EFCAB12: variants seen among roughly 807,000 people sequenced by gnomAD.
EFCAB12 encodes EF-hand calcium-binding domain-containing protein 12.
In EFCAB12, 43 loss-of-function variants were observed where a neutral mutation model predicts 53.6. The observed-to-expected ratio is 0.80, with a 90% CI of 0.63 to 1.03. The LOEUF (loss-of-function observed/expected upper bound fraction) is 1.03, where lower values mean the gene tolerates loss of function less well. Among genes scored for constraint, EFCAB12 ranks in the 50% least tolerant of loss-of-function variants. EFCAB12 has a pLI of 0.00. For synonymous variants in EFCAB12, 269 were observed against 289.2 expected (o/e 0.93, Z 0.71); for missense variants, 646 against 730.6 (o/e 0.88, Z 1.34).
chr3:129,401,730 C>A lies in EFCAB12; in HGVS notation c.1582G>T (p.Ala528Ser). 6.2e-7 allele frequency: 1 copy of A among 1,601,204 alleles called. No homozygotes were observed. The highest frequency in any genetic ancestry group is 8.5e-7 in the Non-Finnish European group (1 of 1,173,830). ...TGGTGTTGAACACAACTGAAGAGCG[C>A]CAGGCTCCGGTCTGTGGCCACAGTG... is the stretch of plus-strand genomic sequence containing the variant. Reference protein sequence around the residue: ...LPTVATDRSLALFSCVQHQPH... With the variant: ...LPTVATDRSLSLFSCVQHQPH... Residue 528 changes from alanine to serine, a missense_variant, in exon 9 of 9, where the codon GCG becomes TCG. By Grantham distance (99) the Ala-to-Ser change is moderately conservative (BLOSUM62 1). Transcript: ENST00000505956.
At chr3:129,413,670 T>C (rs770637475) in intron 4 of EFCAB12, 3 of 152,262 alleles carry the variant, frequency 2.0e-5, no homozygotes, top group Non-Finnish European at 4.4e-5. Flanking sequence ...AATGTGGCTC[T>C]GACCTAACTC....
At chr3:129,422,053 C>T (rs1038938944) in intron 1 of EFCAB12, among the ~76,000 whole-genome samples, 2 of 152,160 alleles carry the variant, frequency 1.3e-5, no homozygotes, top group Non-Finnish European at 2.9e-5. Flanking sequence ...GCCCCCAACA[C>T]CTCCCATTGG....
intron 7 of EFCAB12, 170 bp downstream of exon 7, chr3:129,404,080 C>T: frequency 1.2e-6 from 1 of 801,292 alleles, no homozygotes; most frequent in Non-Finnish European, 1.9e-6. Context: ...CCAAGGGTGA[C>T]CCGGGACTGG....
Position 129,418,199 on chromosome 3 carries a change from G to A in EFCAB12, c.681+55C>T, listed in dbSNP as rs964030689. ...GAGGGGCGGGGGTGGCAAAGAGGGA[G>A]TACATGTACATCCTGCCCACTTAGG... is the stretch of plus-strand genomic sequence containing the variant. On this transcript the variant is annotated intron_variant, in intron 3 of 8. Transcript: ENST00000505956. The A allele has an allele frequency of 1.0e-4, 154 of 1,496,966 alleles. No homozygotes were observed. In the Admixed American group the frequency reaches 3.1e-3, roughly 30 times the overall value. The allele number at this position is 1,496,966 out of a possible 1,614,324, so 92.7% of individuals were successfully genotyped here.
rs1229958503 is a variant in EFCAB12, at chr3:129,426,349, G to GTT, written c.49+2089_49+2090dup. Among the ~76,000 whole-genome samples the GTT allele has an allele frequency of 2.3e-3, 244 of 106,830 alleles. 3 individuals are homozygous for GTT. Among genetic ancestry groups the GTT allele is most frequent in the African/African-American group, 7.5e-3 (183 of 24,472 alleles). 70.1% of individuals were successfully genotyped at this position (106,830 alleles called of 152,430 possible). A position where few individuals can be genotyped will look rare whatever the true frequency, so the allele number is the denominator to read the frequency against. On this transcript the variant is annotated intron_variant, in intron 1 of 8. Coordinates refer to ENST00000505956, the MANE Select transcript of EFCAB12 (RefSeq NM_207307.3). ...CATCTCCACTTGGATGGCTTACAGG[G>GTT]TTTTTTTTTGTTTTTTTTTTTTTTT...
chr3:129,415,433 G>A, intron 3 of EFCAB12, 32 bp from the exon 4 acceptor site: 1 of 1,611,092 alleles, frequency 6.2e-7, no homozygotes, highest in Admixed American at 1.7e-5. Context: ...AGACTAGCAG[G>A]CTCCCATCCA....
At chr3:129,415,044 G>C (rs928704434) in intron 4 of EFCAB12, 3 of 521,016 alleles carry the variant, frequency 5.8e-6, no homozygotes, top group Non-Finnish European at 9.6e-6. Flanking sequence ...TGGACACAGT[G>C]GTAGCTGGGC....
At chr3:129,406,327 T>C (rs987643892) in intron 6 of EFCAB12, among the ~76,000 whole-genome samples, 7 of 152,192 alleles carry the variant, frequency 4.6e-5, no homozygotes, top group Non-Finnish European at 5.9e-5. Flanking sequence ...AGGTAGCACA[T>C]GTGGGAGACA....
intron 5 of EFCAB12, among the ~76,000 whole-genome samples, chr3:129,410,625 T>C (rs2072024835): frequency 6.6e-6 from 1 of 152,204 alleles, no homozygotes; most frequent in Non-Finnish European, 1.5e-5. Context: ...GACTATATTA[T>C]ATATGAATAT....
chr3:129,428,612 G>C lies in EFCAB12; in HGVS notation c.-124C>G. The C allele has an allele frequency of 1.6e-6, 2 of 1,219,164 alleles. No homozygotes were observed. Among genetic ancestry groups the C allele is most frequent in the East Asian group, 2.6e-5 (1 of 38,690 alleles). 75.5% of individuals were successfully genotyped at this position (1,219,164 alleles called of 1,614,324 possible). A position where few individuals can be genotyped will look rare whatever the true frequency, so the allele number is the denominator to read the frequency against. On this transcript the variant is annotated 5_prime_UTR_variant, in exon 1 of 9. Transcript: ENST00000505956. The stretch of plus-strand genomic sequence containing the variant: ...CTCCAAGTCGTGCGAAAGGCGCTCA[G>C]CTCAGACTGCAGAAGCAACCTGTTG...
intron 5 of EFCAB12, 93 bp from the exon 6 acceptor site, chr3:129,408,951 C>T: frequency 7.1e-7 from 1 of 1,415,398 alleles, no homozygotes; most frequent in Non-Finnish European, 9.7e-7. Flanking sequence ...ATCGACCTCT[C>T]CCCTGCGAGG....
intron 3 of EFCAB12, 98 bp downstream of exon 3, chr3:129,418,156 G>C (rs2072141486): frequency 1.7e-6 from 2 of 1,201,132 alleles, no homozygotes; most frequent in South Asian, 3.3e-5. Context: ...AGTTGAACCA[G>C]AACCCAGCAT....
Position 129,424,597 on chromosome 3 carries a change from A to C in EFCAB12, c.50-2794T>G, listed in dbSNP as rs143968167. Among the ~76,000 whole-genome samples the C allele has an allele frequency of 3.2e-3, 492 of 152,354 alleles. 3 individuals carry two copies. The highest frequency in any genetic ancestry group is 0.011 in the African/African-American group (477 of 41,566). Reference sequence around the variant, plus strand: ...ATCTCTTTATAAATTACCTAGTCTCAGGTAGTTCTTTATAGCAATGCTAGA... The same window carrying C: ...ATCTCTTTATAAATTACCTAGTCTCCGGTAGTTCTTTATAGCAATGCTAGA... On this transcript the variant is annotated intron_variant, in intron 1 of 8. Coordinates refer to ENST00000505956, the MANE Select transcript of EFCAB12 (RefSeq NM_207307.3).
chr3:129,404,858 C>T (rs146048361), intron 6 of EFCAB12, among the ~76,000 whole-genome samples: 14 of 152,306 alleles, frequency 9.2e-5, no homozygotes, highest in Non-Finnish European at 1.8e-4. Context: ...CTCACACTGT[C>T]GCCCAGGCTA....
rs1029961435 is a variant in EFCAB12 at position 129,421,776 on chromosome 3, T to C, written c.77A>G (p.Asn26Ser). 5.0e-6 allele frequency: 8 copies of C among 1,613,038 alleles called. No individual in the cohort carries two copies. Among genetic ancestry groups the C allele is most frequent in the Middle Eastern group, 1.6e-4 (1 of 6,082 alleles). Residue 26 changes from asparagine to serine, a missense_variant, in exon 2 of 9, where the codon AAT (asparagine) becomes AGT (serine). By Grantham distance (46) the Asn-to-Ser change is conservative. Coordinates refer to ENST00000505956, the MANE Select transcript of EFCAB12 (RefSeq NM_207307.3). ...AGGATCAAAGACGGGAGCATTTTCA[T>C]TGATGGGAGTCTTAGACGGGCAGAG... Reference protein sequence around the residue: ...LGLCPSKTPINENAPVFDPEP... With the variant: ...LGLCPSKTPISENAPVFDPEP...
chr3:129,421,410 C>T lies in EFCAB12; in HGVS notation c.443G>A (p.Ser148Asn), dbSNP rs189462288. The change falls in exon 2 of 9, where the codon AGT becomes AAT. Residue 148 changes from serine (S) to asparagine (N), a missense_variant. Coordinates refer to ENST00000505956, the MANE Select transcript of EFCAB12 (RefSeq NM_207307.3). ...TGCCTGGGAGGCATTTGGCTGGGCA[C>T]TCTGCTCCTCGTGGATCATGTGTAA... is the stretch of plus-strand genomic sequence containing the variant. Reference protein sequence around the residue: ...KVLHMIHEEQSAQPNASQATT... With the variant: ...KVLHMIHEEQNAQPNASQATT... The T allele has an allele frequency of 6.9e-5, 111 of 1,613,052 alleles. 1 individual carries two copies. The highest frequency in any genetic ancestry group is 9.3e-6 in the Non-Finnish European group (11 of 1,179,146).
chr3:129,408,525 G>T, intron 6 of EFCAB12, 120 bp downstream of exon 6: 1 of 1,085,618 alleles, frequency 9.2e-7, no homozygotes, highest in Non-Finnish European at 1.3e-6. Context: ...TATTCCCAAT[G>T]TCCCCACCAG....
chr3:129,423,022 T>C (rs1359110764), intron 1 of EFCAB12, among the ~76,000 whole-genome samples: 2 of 152,140 alleles, frequency 1.3e-5, no homozygotes, highest in Admixed American at 6.5e-5. Flanking sequence ...ACTCAGTAAA[T>C]ATTTGGTGAG....
At chr3:129,420,697 T>C (rs551965401) in intron 2 of EFCAB12, among the ~76,000 whole-genome samples, 3 of 152,296 alleles carry the variant, frequency 2.0e-5, no homozygotes, top group African/African-American at 7.2e-5. Flanking sequence ...GGGGTGATTT[T>C]AAGGTATGTC....
Sources: allele counts gnomAD v4.1 joint callset (sites outside exome capture counted in the v4.1 genomes callset), GRCh38; gene constraint gnomAD v4.1.1; transcripts MANE v1.5; gene names NCBI Gene and HGNC (gene_info 2026-07-23, HGNC 2026-07-21).